Variants in SLC49A4 observed in about 807,000 individuals in gnomAD.
SLC49A4 encodes disrupted in renal cancer protein 2.
A neutral mutation model predicts 50.6 loss-of-function variants in SLC49A4; 36 were observed. That is an observed-to-expected ratio of 0.71 (90% CI 0.55 to 0.94). The LOEUF is 0.94. Ranked by LOEUF, SLC49A4 falls within the 40% of genes least tolerant of loss-of-function variation. The pLI is 0.00. For missense variants in SLC49A4, 503 were observed against 605.7 expected (o/e 0.83, Z 1.78); for synonymous variants, 248 against 241.2 (o/e 1.03, Z -0.26).
In SLC49A4 at chr3:122,818,083, A is replaced by G. The variant is rs367636971; in HGVS notation, c.438-8717A>G. On this transcript the variant is annotated intron_variant, in intron 2 of 8. Coordinates refer to ENST00000261038, the MANE Select transcript of SLC49A4 (RefSeq NM_032839.3). Reference sequence around the variant, plus strand: ...AATTTTGAAAGTAGCTAATATTCACATACAAAGATTGTCACACCAGCATTA... The same window carrying G: ...AATTTTGAAAGTAGCTAATATTCACGTACAAAGATTGTCACACCAGCATTA... 1.4e-4 allele frequency among the ~76,000 whole-genome samples: 21 copies of G among 152,202 alleles called. 1 individual carries two copies. The highest frequency in any genetic ancestry group is 6.5e-4 in the Admixed American group (10 of 15,278).
intron 8 of SLC49A4, among the ~76,000 whole-genome samples, chr3:122,873,710 C>T (rs1268041290): frequency 2.0e-5 from 3 of 152,200 alleles, no homozygotes; most frequent in African/African-American, 7.2e-5. Context: ...TTAATGAAGT[C>T]AGAAGGCCAC....
chr3:122,818,726 T>C (rs1460250990), intron 2 of SLC49A4, among the ~76,000 whole-genome samples: 3 of 152,100 alleles, frequency 2.0e-5, no homozygotes, highest in Non-Finnish European at 1.5e-5. Context: ...GGTGGATTGC[T>C]TGAGGCCAGG....
At chr3:122,860,015 C>T in intron 6 of SLC49A4, 60 bp from the exon 7 acceptor site, 1 of 1,366,310 alleles carries the variant, frequency 7.3e-7, no homozygotes, top group South Asian at 1.7e-5. Flanking sequence ...GAAAGTGTGT[C>T]ATTTGCTTAA....
At chr3:122,855,487 A>G (rs1025750327) in intron 5 of SLC49A4, among the ~76,000 whole-genome samples, 28 of 152,206 alleles carry the variant, frequency 1.8e-4, no homozygotes, top group African/African-American at 6.8e-4. Context: ...TATTATCCCC[A>G]TTCCACTAAT....
Position 122,854,961 on chromosome 3 carries a change from C to T in SLC49A4, c.943-1346C>T, listed in dbSNP as rs182307189. Among the ~76,000 whole-genome samples the T allele has an allele frequency of 4.5e-3, 678 of 152,000 alleles. 7 individuals are homozygous for T. Among genetic ancestry groups the T allele is most frequent in the African/African-American group, 0.015 (636 of 41,466 alleles). On this transcript the variant is annotated intron_variant, in intron 5 of 8. Transcript: ENST00000261038. ...ACAAAAAATTAGCCGGGCGTGGTGGCGGGCGCCTGTAGTCCCAGCTACTCA... is the reference window on the plus strand; with the variant it reads ...ACAAAAAATTAGCCGGGCGTGGTGGTGGGCGCCTGTAGTCCCAGCTACTCA...
intron 3 of SLC49A4, among the ~76,000 whole-genome samples, chr3:122,828,333 AC>A (rs761348981): frequency 5.3e-5 from 8 of 152,182 alleles, no homozygotes; most frequent in Non-Finnish European, 1.2e-4. Flanking sequence ...GGAGCACCTA[AC>A]CCAGATTTTG....
chr3:122,857,201 C>T (rs1215740171), intron 6 of SLC49A4, among the ~76,000 whole-genome samples: 1 of 144,072 alleles, frequency 6.9e-6, no homozygotes, highest in Non-Finnish European at 1.5e-5. Flanking sequence ...CTTTCAGTTT[C>T]ATCACACTCT....
chr3:122,833,669 A>G (rs958506477), intron 4 of SLC49A4, among the ~76,000 whole-genome samples: 1 of 151,994 alleles, frequency 6.6e-6, no homozygotes, highest in Non-Finnish European at 1.5e-5. Flanking sequence ...TCTACATATC[A>G]CCTATACTAT....
chr3:122,819,921 C>G (rs993012077), intron 2 of SLC49A4, among the ~76,000 whole-genome samples: 1 of 151,682 alleles, frequency 6.6e-6, no homozygotes, highest in South Asian at 2.1e-4. Context: ...AACTATTGAC[C>G]TAATGAGTTT....
intron 2 of SLC49A4, among the ~76,000 whole-genome samples, chr3:122,813,192 G>A (rs1009370228): frequency 1.3e-5 from 2 of 148,848 alleles, no homozygotes; most frequent in Non-Finnish European, 3.0e-5. Context: ...AGTGAGCTGA[G>A]ATTGCACCAC....
rs117464248 is a variant in SLC49A4, at chr3:122,797,369, A to G, written c.343+1834A>G. On this transcript the variant is annotated intron_variant, in intron 1 of 8. Transcript: ENST00000261038. ...AATGAAGGGAACTTGTGTGTATCAC[A>G]CTTCAAAAAGAAACTTGAGGCAAGA... Among the ~76,000 whole-genome samples the G allele has an allele frequency of 5.8e-3, 885 of 152,338 alleles. 14 individuals carry two copies. Among genetic ancestry groups the G allele is most frequent in the East Asian group, 0.036 (188 of 5,184 alleles).
intron 8 of SLC49A4, among the ~76,000 whole-genome samples, chr3:122,873,691 A>C (rs1937224146): frequency 6.6e-6 from 1 of 152,232 alleles, no homozygotes; most frequent in Non-Finnish European, 1.5e-5. Context: ...CATATGAAGG[A>C]GAGTGATATT....
At chr3:122,870,843 T>TAATAATAATAATAA (rs71136596) in intron 7 of SLC49A4, among the ~76,000 whole-genome samples, 1 of 147,666 alleles carries the variant, frequency 6.8e-6, no homozygotes, top group East Asian at 2.0e-4. Flanking sequence ...ATAATAATAA[T>TAATAATAATAATAA]TAATTAATAA....
At chr3:122,848,250 A>AC (rs200987180) in intron 5 of SLC49A4, among the ~76,000 whole-genome samples, 8 of 151,854 alleles carry the variant, frequency 5.3e-5, no homozygotes, top group Admixed American at 5.2e-4. Context: ...TGAAAAGATC[A>AC]TTTTTTTTCT....
chr3:122,850,483 G>C (rs915759093), intron 5 of SLC49A4, among the ~76,000 whole-genome samples: 5 of 151,762 alleles, frequency 3.3e-5, no homozygotes, highest in Non-Finnish European at 7.4e-5. Flanking sequence ...ACAGGAAAAG[G>C]ATTAAATCTT....
At chr3:122,859,091 T>C (rs892556752) in intron 6 of SLC49A4, among the ~76,000 whole-genome samples, 2 of 152,152 alleles carry the variant, frequency 1.3e-5, no homozygotes, top group Admixed American at 1.3e-4. Flanking sequence ...GAGAAAGTGC[T>C]ATGAAGAAAT....
At chr3:122,843,047 C>T (rs1402674518) in intron 4 of SLC49A4, among the ~76,000 whole-genome samples, 1 of 152,120 alleles carries the variant, frequency 6.6e-6, no homozygotes, top group African/African-American at 2.4e-5. Flanking sequence ...CTCCCATTTC[C>T]CTCCCCCAAC....
intron 8 of SLC49A4, 50 bp downstream of exon 8, chr3:122,872,647 T>G: frequency 7.2e-7 from 1 of 1,388,418 alleles, no homozygotes; most frequent in Non-Finnish European, 9.8e-7. Flanking sequence ...ACAAGAAAAG[T>G]TTGGGTCACT....
At chr3:122,797,871 C>G (rs1936069714) in intron 1 of SLC49A4, among the ~76,000 whole-genome samples, 1 of 152,002 alleles carries the variant, frequency 6.6e-6, no homozygotes, top group African/African-American at 2.4e-5. Context: ...GTCTTAGTTA[C>G]TGGGGAGGCT....
Sources: allele counts gnomAD v4.1 joint callset (sites outside exome capture counted in the v4.1 genomes callset), GRCh38; gene constraint gnomAD v4.1.1; transcripts MANE v1.5; gene names NCBI Gene and HGNC (gene_info 2026-07-23, HGNC 2026-07-21).